Variants in BRAF observed in about 807,000 individuals in gnomAD.
BRAF encodes serine/threonine-protein kinase B-raf.
Under a neutral mutation model 104.6 loss-of-function variants are expected in BRAF, and 16 were observed. That is an observed-to-expected ratio of 0.15 (90% confidence interval 0.10 to 0.23). The LOEUF (loss-of-function observed/expected upper bound fraction) is 0.23. BRAF is among the 10% of genes least tolerant of loss of function. The probability of loss-of-function intolerance (pLI) is 1.00; values close to 1 mark genes in which losing one functional copy is unlikely to be tolerated. For missense variants in BRAF, 541 were observed against 937.3 expected, an observed-to-expected ratio of 0.58 and a Z score of 5.52; for synonymous variants, 310 against 341.6, an observed-to-expected ratio of 0.91 and a Z score of 1.02.
intron 1 of BRAF, among the ~76,000 whole-genome samples, chr7:140,915,049 CAAAAAA>C (rs567503566): frequency 4.9e-5 from 3 of 61,848 alleles, no homozygotes; most frequent in Non-Finnish European, 9.2e-5. Flanking sequence ...ACTCCGTCTC[CAAAAAA>C]AAAAAAAAAA....
Position 140,780,719 on chromosome 7 carries a change from T to A in BRAF, c.1552+857A>T, listed in dbSNP as rs188699150. On this transcript the variant is annotated intron_variant, in intron 12 of 19. Coordinates refer to ENST00000644969, the MANE Select transcript of BRAF (RefSeq NM_001374258.1). ...AATCACATATGATGGTATAAATTTA[T>A]CCAATTCTCTATTAGTTGGATACAT... 11 of 152,320 alleles carry A rather than the reference T, an allele frequency of 7.2e-5. No individual in the cohort carries two copies. The East Asian group carries it at 2.1e-3, about 29-fold the overall frequency. 9.4% of individuals were successfully genotyped at this position (152,320 alleles called of 1,614,324 possible).
At chr7:140,798,559 C>A (rs1244413308) in intron 7 of BRAF, among the ~76,000 whole-genome samples, 5 of 125,344 alleles carry the variant, frequency 4.0e-5, no homozygotes, top group African/African-American at 1.5e-4. Context: ...CGCGCCCGGC[C>A]TTTTTTTTTT....
chr7:140,777,921 T>A (rs1310479753), intron 13 of BRAF, 70 bp downstream of exon 12: 2 of 1,388,020 alleles, frequency 1.4e-6, no homozygotes, highest in South Asian at 2.4e-5. Context: ...TAATAGTTGC[T>A]ACCACTGGGA....
intron 2 of BRAF, among the ~76,000 whole-genome samples, chr7:140,844,668 G>A (rs1013465361): frequency 1.3e-5 from 2 of 152,202 alleles, no homozygotes; most frequent in African/African-American, 4.8e-5. Flanking sequence ...GCTTGCACCT[G>A]TAATCCCACC....
intron 18 of BRAF, among the ~76,000 whole-genome samples, chr7:140,736,265 C>T (rs1396433860): frequency 6.7e-6 from 1 of 149,450 alleles, no homozygotes; most frequent in Non-Finnish European, 1.5e-5. Flanking sequence ...AGACGGGTAT[C>T]ACCATTTTGC....
intron 19 of BRAF, among the ~76,000 whole-genome samples, chr7:140,727,100 A>G (rs985127168): frequency 1.3e-5 from 2 of 152,348 alleles, no homozygotes; most frequent in Non-Finnish European, 2.9e-5. Flanking sequence ...ATCAGCATAA[A>G]GAATTCTTTA....
chr7:140,827,876 C>G (rs1379869218), intron 3 of BRAF, among the ~76,000 whole-genome samples: 1 of 152,176 alleles, frequency 6.6e-6, no homozygotes, highest in Non-Finnish European at 1.5e-5. Flanking sequence ...TAACATTTTA[C>G]TGATGGACAC....
chr7:140,753,282 A>T lies in BRAF; in HGVS notation c.1973T>A (p.Leu658Ter). The T allele has an allele frequency of 6.2e-7, 1 of 1,608,228 alleles. No homozygotes were observed. The highest frequency in any genetic ancestry group is 8.5e-7 in the Non-Finnish European group (1 of 1,175,236). The change falls in exon 16 of 20, where the codon TTG becomes TAG. Residue 658 changes from leucine to a stop codon, truncating the protein, a stop_gained. Coordinates refer to ENST00000644969, the MANE Select transcript of BRAF (RefSeq NM_001374258.1). LOFTEE classifies it high-confidence loss of function. ...AATAGCCTCAATTCTTACCATCCAC[A>T]AAATGGATCCAGACAACTGTTCAAA... is the stretch of plus-strand genomic sequence containing the variant. ...HQFEQLSGSI[L>*]WMAPEVIRMQ...
intron 1 of BRAF, among the ~76,000 whole-genome samples, chr7:140,877,898 A>G (rs1368991036): frequency 6.6e-6 from 1 of 152,146 alleles, no homozygotes; most frequent in African/African-American, 2.4e-5. Flanking sequence ...ATAGTTAAAA[A>G]CCTTTCTAAA....
At chr7:140,738,453 G>A (rs1796623167) in intron 18 of BRAF, among the ~76,000 whole-genome samples, 1 of 152,146 alleles carries the variant, frequency 6.6e-6, no homozygotes, top group Non-Finnish European at 1.5e-5. Context: ...TATGGTAGCA[G>A]GGTTACTATG....
chr7:140,827,521 A>C (rs1438956742), intron 3 of BRAF, among the ~76,000 whole-genome samples: 1 of 152,236 alleles, frequency 6.6e-6, no homozygotes, highest in African/African-American at 2.4e-5. Flanking sequence ...AAGACAGTCA[A>C]GTTTATTGTT....
At chr7:140,820,795 G>A (rs1220715007) in intron 3 of BRAF, among the ~76,000 whole-genome samples, 1 of 152,052 alleles carries the variant, frequency 6.6e-6, no homozygotes. Context: ...TTAAAAATTA[G>A]GCATGGCACA....
Position 140,801,396 on chromosome 7 carries a change from T to C in BRAF, c.860+16A>G. On this transcript the variant is annotated intron_variant, in intron 6 of 19. Transcript: ENST00000644969. ...TAAAATGGTAGGTAGAAAAGAGATATTTTTGGATTACTTACTCAAGTTGGT... is the reference window on the plus strand; with the variant it reads ...TAAAATGGTAGGTAGAAAAGAGATACTTTTGGATTACTTACTCAAGTTGGT... 1 of 1,612,874 alleles carries C rather than the reference T, an allele frequency of 6.2e-7. No individual in the cohort carries two copies. The highest frequency in any genetic ancestry group is 1.1e-5 in the South Asian group (1 of 91,002).
chr7:140,769,742 G>C (rs1799663581), intron 14 of BRAF, among the ~76,000 whole-genome samples: 1 of 151,842 alleles, frequency 6.6e-6, no homozygotes, highest in Non-Finnish European at 1.5e-5. Context: ...TGTCCTTAAT[G>C]TTTTAAGTTT....
intron 17 of BRAF, among the ~76,000 whole-genome samples, chr7:140,742,074 T>C (rs1397143205): frequency 6.6e-6 from 1 of 152,222 alleles, no homozygotes; most frequent in Non-Finnish European, 1.5e-5. Flanking sequence ...AGGTGAGTGA[T>C]AACTTTTTGC....
intron 2 of BRAF, among the ~76,000 whole-genome samples, chr7:140,844,318 T>C (rs1808321178): frequency 6.6e-6 from 1 of 152,260 alleles, no homozygotes; most frequent in African/African-American, 2.4e-5. Context: ...TCTTGTTCTC[T>C]GTTACTTTTG....
chr7:140,806,336 T>C (rs368907543), intron 5 of BRAF, among the ~76,000 whole-genome samples: 55 of 152,336 alleles, frequency 3.6e-4, no homozygotes, highest in Admixed American at 9.8e-4. Context: ...TGAAAATTTA[T>C]TAAATCTTCT....
intron 1 of BRAF, among the ~76,000 whole-genome samples, chr7:140,865,332 G>A (rs1413741385): frequency 4.6e-5 from 7 of 152,040 alleles, no homozygotes; most frequent in African/African-American, 1.4e-4. Flanking sequence ...CACCTGCCTC[G>A]GCCTCCCAAA....
At chr7:140,885,830 TAA>T (rs769590845) in intron 1 of BRAF, among the ~76,000 whole-genome samples, 3 of 152,222 alleles carry the variant, frequency 2.0e-5, no homozygotes, top group Admixed American at 6.5e-5. Context: ...ATCTGGATCC[TAA>T]ACAATGAGTA....
Sources: gnomAD v4.1 joint callset for allele counts (sites outside exome capture counted in the v4.1 genomes callset) on GRCh38, gnomAD v4.1.1 for gene constraint, MANE v1.5 for transcripts, NCBI Gene and HGNC (gene_info 2026-07-23, HGNC 2026-07-21) for gene names.